ZC3HAV1: variants seen among roughly 807,000 people sequenced by gnomAD.
The protein encoded by ZC3HAV1 is zinc finger CCCH-type antiviral protein 1.
Under a neutral mutation model 86.6 loss-of-function variants are expected in ZC3HAV1, and 41 were observed. The ratio of observed to expected loss-of-function variants is 0.47; its 90% CI spans 0.37 to 0.61. The LOEUF is 0.61. Among genes scored for constraint, ZC3HAV1 ranks in the 20% least tolerant of loss-of-function variants. The pLI, the probability that ZC3HAV1 is intolerant of heterozygous loss-of-function variation, is 0.00. For missense variants in ZC3HAV1, 964 were observed against 1,141.1 expected (o/e 0.84, Z 2.24); for synonymous variants, 421 against 432.1 (o/e 0.97, Z 0.32).
At chr7:139,072,411 C>T (rs1222849544) in intron 7 of ZC3HAV1, among the ~76,000 whole-genome samples, 2 of 152,072 alleles carry the variant, frequency 1.3e-5, no homozygotes, top group Non-Finnish European at 2.9e-5. Context: ...GTCTCGAACT[C>T]CTGACTTCAG....
At chr7:139,070,530 G>A (rs906925032) in intron 7 of ZC3HAV1, among the ~76,000 whole-genome samples, 1 of 151,898 alleles carries the variant, frequency 6.6e-6, no homozygotes, top group Admixed American at 6.6e-5. Flanking sequence ...TGGGCGCGGT[G>A]GCGGGCGCCT....
In ZC3HAV1 at chr7:139,064,874, C is replaced by T. The variant is rs1300713500; in HGVS notation, c.1993+5G>A. Reference sequence around the variant, plus strand: ...CACACAACACTGCCAAACACAGAAACCCACCTTGGAAACTCAGCTCATAGT... The same window carrying T: ...CACACAACACTGCCAAACACAGAAATCCACCTTGGAAACTCAGCTCATAGT... On this transcript the variant is annotated splice_donor_5th_base_variant and intron_variant, in intron 8 of 12. Transcript: ENST00000242351. 1 of 1,613,962 alleles carries T rather than the reference C, an allele frequency of 6.2e-7. No homozygotes were observed. The highest frequency in any genetic ancestry group is 8.5e-7 in the Non-Finnish European group (1 of 1,179,990).
intron 8 of ZC3HAV1, 23 bp from the exon 9 acceptor site, chr7:139,061,161 A>G (rs1816431779): frequency 6.2e-7 from 1 of 1,602,184 alleles, no homozygotes; most frequent in Non-Finnish European, 8.5e-7. Context: ...AAAAAAATAA[A>G]AGCAGTGAGA....
chr7:139,101,351 A>G (rs975028903), intron 1 of ZC3HAV1, among the ~76,000 whole-genome samples: 8 of 140,676 alleles, frequency 5.7e-5, no homozygotes, highest in Admixed American at 1.4e-4. Flanking sequence ...CCAGTCTGGG[A>G]AGTGAGGAGC....
At chr7:139,099,913 C>CAAAA (rs1184577696) in intron 1 of ZC3HAV1, among the ~76,000 whole-genome samples, 1 of 112,540 alleles carries the variant, frequency 8.9e-6, no homozygotes, top group African/African-American at 3.4e-5. Context: ...GGTGACAGAA[C>CAAAA]AAAAAATAAA....
At chr7:139,088,047 AAAAAAAAAG>A (rs1817323942) in intron 2 of ZC3HAV1, among the ~76,000 whole-genome samples, 2 of 150,818 alleles carry the variant, frequency 1.3e-5, no homozygotes, top group African/African-American at 2.4e-5. Context: ...AAAAAAAAAA[AAAAAAAAAG>A]AAAAAAGAAA....
At chr7:139,056,035 C>T (rs541863160) in intron 9 of ZC3HAV1, among the ~76,000 whole-genome samples, 4 of 152,274 alleles carry the variant, frequency 2.6e-5, no homozygotes, top group South Asian at 2.1e-4. Context: ...ACCACTGGTA[C>T]GAAGCCATCA....
At chr7:139,073,341 TTAATG>T (rs1410275475) in intron 7 of ZC3HAV1, among the ~76,000 whole-genome samples, 18 of 151,860 alleles carry the variant, frequency 1.2e-4, no homozygotes, top group Admixed American at 1.2e-3. Flanking sequence ...AATATATACT[TTAATG>T]TATGACTGCA....
At chr7:139,100,849 GGTCTCCCTCTCCCTCTCTTTCCACC>G (rs1817735072) in intron 1 of ZC3HAV1, among the ~76,000 whole-genome samples, 5 of 139,446 alleles carry the variant, frequency 3.6e-5, no homozygotes, top group Admixed American at 2.1e-4. Flanking sequence ...CTCTTTCCAC[GGTCTCCCTCTCCCTCTCTTTCCACC>G]GTCTCCCTCT....
Position 139,057,765 on chromosome 7 carries a change from C to G in ZC3HAV1, c.2097-2470G>C, listed in dbSNP as rs1254114099. ...CCGTGTTAGCCAGGATGGTCTCGATCTCCTGACCTCGTGATCCGCCCACCT... is the reference window on the plus strand; with the variant it reads ...CCGTGTTAGCCAGGATGGTCTCGATGTCCTGACCTCGTGATCCGCCCACCT... On this transcript the variant is annotated intron_variant, in intron 9 of 12. Transcript: ENST00000242351. 8.5e-5 allele frequency among the ~76,000 whole-genome samples: 2 copies of G among 23,526 alleles called. 1 individual carries two copies. The highest frequency in any genetic ancestry group is 1.5e-4 in the Non-Finnish European group (2 of 12,932). 15.4% of individuals were successfully genotyped at this position (23,526 alleles called of 152,430 possible).
chr7:139,056,467 T>C (rs1415722663), intron 9 of ZC3HAV1, among the ~76,000 whole-genome samples: 1 of 145,614 alleles, frequency 6.9e-6, no homozygotes, highest in Non-Finnish European at 1.5e-5. Context: ...CTGAGTACAA[T>C]GGTGCAAAGA....
chr7:139,104,721 CAAAAAA>C (rs1157897700), intron 1 of ZC3HAV1, among the ~76,000 whole-genome samples: 2 of 19,252 alleles, frequency 1.0e-4, no homozygotes, highest in African/African-American at 2.8e-4. Context: ...GACTCTGTCA[CAAAAAA>C]AAAAAAAAAA....
rs1033545887 is a variant in ZC3HAV1, at chr7:139,045,776, A to T, written c.*1818T>A. On this transcript the variant is annotated 3_prime_UTR_variant, in exon 13 of 13. Coordinates refer to ENST00000242351, the MANE Select transcript of ZC3HAV1 (RefSeq NM_020119.4). ...AAAGAGTTGGACAAACTGCACCCCT[A>T]CAATGTGAGGGTCAAGTTCAGAAAA... 2.0e-5 allele frequency: 3 copies of T among 152,220 alleles called. No individual in the cohort carries two copies. In the South Asian group the frequency reaches 6.2e-4, roughly 32 times the overall value. 9.4% of individuals were successfully genotyped at this position (152,220 alleles called of 1,614,324 possible). A position where few individuals can be genotyped will look rare whatever the true frequency, so the allele number is the denominator to read the frequency against.
chr7:139,053,312 GA>G, intron 12 of ZC3HAV1, 138 bp downstream of exon 12: 2 of 1,015,750 alleles, frequency 2.0e-6, no homozygotes, highest in Non-Finnish European at 2.7e-6. Flanking sequence ...ATATTACCGT[GA>G]GCTTACTGTC....
At chr7:139,072,228 C>T (rs140696193) in intron 7 of ZC3HAV1, among the ~76,000 whole-genome samples, 1,657 of 152,168 alleles carry the variant, frequency 0.011, 29 homozygotes, top group African/African-American at 0.038. Context: ...TTTTGTCACC[C>T]AGACTGGAGT....
rs1815981577 is a variant in ZC3HAV1, at chr7:139,047,258, GGC to G, written c.*334_*335del. 1.9e-5 allele frequency: 5 copies of G among 265,916 alleles called. No individual in the cohort carries two copies. Among genetic ancestry groups the G allele is most frequent in the Admixed American group, 1.2e-4 (2 of 16,846 alleles). The allele number at this position is 265,916 out of a possible 1,614,324, so 16.5% of individuals were successfully genotyped here. On this transcript the variant is annotated 3_prime_UTR_variant, in exon 13 of 13. Transcript: ENST00000242351. ...GCAGGAGAATTGCTTGAACCCGGGA[GGC>G]AGAGGTTGCAGTGAGCCGAGATCGC...
intron 12 of ZC3HAV1, among the ~76,000 whole-genome samples, chr7:139,052,448 A>T (rs1443062190): frequency 6.6e-6 from 1 of 150,880 alleles, no homozygotes; most frequent in Non-Finnish European, 1.5e-5. Context: ...TCTACTGAAA[A>T]TACAAAATTA....
chr7:139,060,797 G>A (rs1005104417), intron 9 of ZC3HAV1: 9 of 1,390,934 alleles, frequency 6.5e-6, no homozygotes, highest in Admixed American at 2.4e-5. Context: ...AGAGTATTTA[G>A]GAGACTCGCT....
At chr7:139,088,895 G>A (rs1817351512) in intron 2 of ZC3HAV1, among the ~76,000 whole-genome samples, 1 of 152,088 alleles carries the variant, frequency 6.6e-6, no homozygotes, top group African/African-American at 2.4e-5. Context: ...TTGAGGTCGG[G>A]AGTTCGAGGC....
Sources: gnomAD v4.1 joint callset for allele counts (sites outside exome capture counted in the v4.1 genomes callset) on GRCh38, gnomAD v4.1.1 for gene constraint, MANE v1.5 for transcripts, NCBI Gene and HGNC (gene_info 2026-07-23, HGNC 2026-07-21) for gene names.